Variants in PPP6R1 observed in about 807,000 individuals in gnomAD.
PPP6R1 encodes the protein serine/threonine-protein phosphatase 6 regulatory subunit 1.
In PPP6R1, 39 loss-of-function variants were observed where a neutral mutation model predicts 104.6. That is an observed-to-expected ratio of 0.37 (90% CI 0.29 to 0.49). The LOEUF (loss-of-function observed/expected upper bound fraction) is 0.49, where lower values mean the gene tolerates loss of function less well. PPP6R1 is among the 20% of genes least tolerant of loss of function. The probability of loss-of-function intolerance (pLI) is 0.98; values close to 1 mark genes in which losing one functional copy is unlikely to be tolerated. For missense variants in PPP6R1, 1,181 were observed against 1,155.8 expected, an observed-to-expected ratio of 1.02 and a Z score of -0.32; for synonymous variants, 549 against 479.0, an observed-to-expected ratio of 1.15 and a Z score of -1.91.
intron 21 of PPP6R1, 98 bp from the exon 22 acceptor site, chr19:55,230,982 G>T: frequency 1.5e-5 from 16 of 1,052,722 alleles, no homozygotes; most frequent in Non-Finnish European, 2.3e-5. Flanking sequence ...CACTGGGTGT[G>T]TGTCTGCCAC....
chr19:55,232,535 G>A (rs2087359311), intron 17 of PPP6R1: 2 of 318,714 alleles, frequency 6.3e-6, no homozygotes, highest in Non-Finnish European at 5.8e-6. Context: ...CCACTCACCA[G>A]CTCTCAAGCC....
At chr19:55,254,816 T>A (rs569913185) in intron 1 of PPP6R1, among the ~76,000 whole-genome samples, 1 of 152,288 alleles carries the variant, frequency 6.6e-6, no homozygotes, top group African/African-American at 2.4e-5. Context: ...CTCCCTCTAA[T>A]GTCCCCCAAG....
Position 55,230,899 on chromosome 19 carries a change from C to T in PPP6R1, c.2460-15G>A, listed in dbSNP as rs771445589. The T allele has an allele frequency of 6.3e-7, 1 of 1,583,348 alleles. No individual in the cohort carries two copies. Among genetic ancestry groups the T allele is most frequent in the South Asian group, 1.1e-5 (1 of 90,176 alleles). On this transcript the variant is annotated splice_polypyrimidine_tract_variant and intron_variant, in intron 21 of 23. Coordinates refer to ENST00000412770, the MANE Select transcript of PPP6R1 (RefSeq NM_014931.4). ...CTCTGGTTGCACTGTGGGTGAGAGG[C>T]AGGTGCGGCTGTCAGCGTGGCCCCC... is the stretch of plus-strand genomic sequence containing the variant.
intron 2 of PPP6R1, 86 bp downstream of exon 2, chr19:55,246,791 G>T: frequency 2.4e-6 from 3 of 1,225,628 alleles, no homozygotes; most frequent in Non-Finnish European, 3.3e-6. Flanking sequence ...TGACACTGAC[G>T]CATTTCAGGG....
intron 15 of PPP6R1, among the ~76,000 whole-genome samples, chr19:55,237,730 G>A (rs1008705626): frequency 3.9e-5 from 6 of 152,208 alleles, no homozygotes; most frequent in Non-Finnish European, 7.3e-5. Context: ...TAGACACTGA[G>A]AAGCAGCGGA....
Position 55,236,670 on chromosome 19 carries a change from GC to G in PPP6R1, c.1960del (p.Ala654ProfsTer264). 1 of 1,589,326 alleles carries G rather than the reference GC, an allele frequency of 6.3e-7. No individual in the cohort carries two copies. The highest frequency in any genetic ancestry group is 8.6e-7 in the Non-Finnish European group (1 of 1,169,418). On this transcript the variant is annotated frameshift_variant, in exon 17 of 24. Coordinates refer to ENST00000412770, the MANE Select transcript of PPP6R1 (RefSeq NM_014931.4). LOFTEE classifies it high-confidence loss of function. ...GACACCAGGTGGCTGGCCCAGACGG[GC>G]CCCCCTGGCCAGCTGGCTGCCCTGC... Reference protein sequence around the residue: ...AWQGSQLARGARLGQPPGVRS... With the variant: ...AWQGSQLARGXRLGQPPGVRS...
chr19:55,232,546 A>C (rs1600103656), intron 17 of PPP6R1: 1 of 296,728 alleles, frequency 3.4e-6, no homozygotes, highest in South Asian at 7.8e-5. Context: ...CTCTCAAGCC[A>C]CCTCCCAGCC....
chr19:55,246,820 A>G, intron 2 of PPP6R1, 57 bp downstream of exon 2: 2 of 1,393,040 alleles, frequency 1.4e-6, no homozygotes, highest in Non-Finnish European at 1.9e-6. Flanking sequence ...AGGCTTGCGT[A>G]GTGAAGGTAT....
At chr19:55,243,306 G>A (rs1213527144) in intron 5 of PPP6R1, among the ~76,000 whole-genome samples, 6 of 151,618 alleles carry the variant, frequency 4.0e-5, no homozygotes, top group African/African-American at 1.2e-4. Context: ...CCAGCTACTC[G>A]GGAGGCTGAG....
At position 55,245,108 on chromosome 19, in the gene PPP6R1, G is replaced by A. The variant is rs1175611028; in HGVS notation, c.618+12C>T. ...TCTAAGGGGAATCCGCAGGGGCATC[G>A]GCAGCACTCACATTCTCATCCTTCG... On this transcript the variant is annotated intron_variant, in intron 5 of 23. Transcript: ENST00000412770. This position sits in a 1 kb window ranked among gnomAD's most constrained non-coding sequence, Gnocchi z 6.4. 8.1e-6 allele frequency: 13 copies of A among 1,612,826 alleles called. No individual in the cohort carries two copies. Among genetic ancestry groups the A allele is most frequent in the South Asian group, 3.3e-5 (3 of 90,692 alleles).
rs1266621376 is a variant in PPP6R1 at position 55,241,099 on chromosome 19, T to A, written c.1162-20A>T. On this transcript the variant is annotated intron_variant, in intron 9 of 23. Coordinates refer to ENST00000412770, the MANE Select transcript of PPP6R1 (RefSeq NM_014931.4). The surrounding 1 kb of genome is among the most constrained non-coding windows in gnomAD (Gnocchi z 5.4). ...GAGGTCCTATGGGAGGACACAGGAT[T>A]GGTACCAGAGAGGCCCCGCCCCAGC... 1 of 1,548,372 alleles carries A rather than the reference T, an allele frequency of 6.5e-7. No homozygotes were observed. Among genetic ancestry groups the A allele is most frequent in the Non-Finnish European group, 8.7e-7 (1 of 1,146,680 alleles).
chr19:55,232,334 G>A, intron 17 of PPP6R1, 123 bp from the exon 18 acceptor site: 2 of 1,416,102 alleles, frequency 1.4e-6, no homozygotes, highest in East Asian at 2.5e-5. Flanking sequence ...GGTCACAGAA[G>A]GGTCCAGGGA....
Position 55,241,402 on chromosome 19 carries a change from A to G in PPP6R1, c.1009-11T>C. 6.2e-7 allele frequency: 1 copy of G among 1,603,230 alleles called. No individual in the cohort carries two copies. The highest frequency in any genetic ancestry group is 2.2e-5 in the East Asian group (1 of 44,722). Reference sequence around the variant, plus strand: ...CTGTAGCGGCTCCAGCTGCAGACACAGGGAGGCCTGATTCCCAAGGGCTGC... The same window carrying G: ...CTGTAGCGGCTCCAGCTGCAGACACGGGGAGGCCTGATTCCCAAGGGCTGC... On this transcript the variant is annotated splice_polypyrimidine_tract_variant and intron_variant, in intron 8 of 23. Coordinates refer to ENST00000412770, the MANE Select transcript of PPP6R1 (RefSeq NM_014931.4). This position sits in a 1 kb window ranked among gnomAD's most constrained non-coding sequence, Gnocchi z 5.4.
intron 1 of PPP6R1, among the ~76,000 whole-genome samples, chr19:55,249,862 A>G (rs2087539591): frequency 6.6e-6 from 1 of 151,870 alleles, no homozygotes; most frequent in Non-Finnish European, 1.5e-5. Flanking sequence ...AAATCCTTTT[A>G]AAGCACAAAC....
chr19:55,230,562 T>C, intron 23 of PPP6R1, 31 bp from the exon 24 acceptor site: 2 of 1,613,366 alleles, frequency 1.2e-6, no homozygotes, highest in Non-Finnish European at 1.7e-6. Flanking sequence ...CGTGTGAGGG[T>C]CTAGCAGGCC....
intron 5 of PPP6R1, among the ~76,000 whole-genome samples, chr19:55,243,292 A>G (rs771634032): frequency 7.9e-5 from 12 of 151,630 alleles, no homozygotes; most frequent in Non-Finnish European, 1.3e-4. Context: ...AGGCGCCTGT[A>G]GTCCCAGCTA....
rs550245110 is a variant in PPP6R1, at chr19:55,233,919, G to C, written c.1989-1708C>G. ...AGGGCAAAACAATCTTTAAAAAGAA[G>C]AACAAGGTTGGAAAACTAAAACCTC... On this transcript the variant is annotated intron_variant, in intron 17 of 23. Transcript: ENST00000412770. Among the ~76,000 whole-genome samples the C allele has an allele frequency of 4.6e-5, 7 of 152,246 alleles. No individual in the cohort carries two copies. The South Asian group carries it at 1.2e-3, about 27-fold the overall frequency.
rs1360472946 is a variant in PPP6R1, at chr19:55,239,675, G to A, written c.1572C>T (p.Thr524=). ...NKKNMVDLVN[T]HHLHSSSDDE... ...CGTCACTGGAGGAGTGTAGGTGGTG[G>A]GTGTTCACCTGGGGAGAGGAGGGGG... The change falls in exon 14 of 24, where the codon ACC becomes ACT. Residue 524 remains threonine (T), a synonymous_variant. Transcript: ENST00000412770. The A allele has an allele frequency of 6.2e-7, 1 of 1,610,868 alleles. No homozygotes were observed. Among genetic ancestry groups the A allele is most frequent in the Non-Finnish European group, 8.5e-7 (1 of 1,178,438 alleles).
rs1312818511 is a variant in PPP6R1, at chr19:55,246,921, G to C, written c.183C>G (p.Val61=). The change falls in exon 2 of 24, where the codon GTC becomes GTG. Residue 61 remains valine (V), a synonymous_variant. Transcript: ENST00000412770. ...PPHLQAMVAW[V]TQEPPDSGEE... is the part of the protein sequence containing the mutation. ...CACCGCTATCTGGCGGCTCCTGGGT[G>C]ACCCAGGCCACCATTGCTTGCAGGT... 6.2e-7 allele frequency: 1 copy of C among 1,613,324 alleles called. No individual in the cohort carries two copies. Among genetic ancestry groups the C allele is most frequent in the Non-Finnish European group, 8.5e-7 (1 of 1,179,618 alleles).
Sources: gnomAD v4.1 joint callset for allele counts (sites outside exome capture counted in the v4.1 genomes callset) on GRCh38, gnomAD v4.1.1 for gene constraint, Gnocchi (gnomAD v3.1) non-coding constraint, MANE v1.5 for transcripts, NCBI Gene and HGNC (gene_info 2026-07-23, HGNC 2026-07-21) for gene names.